The following BTBD16 variants were observed in gnomAD, a reference collection of about 807,000 sequenced individuals.
The protein encoded by BTBD16 is BTB/POZ domain-containing protein 16.
BTBD16 carries 66 observed loss-of-function variants against 67.4 expected under a neutral mutation model. The ratio of observed to expected loss-of-function variants is 0.98; its 90% CI spans 0.80 to 1.20. BTBD16 has a LOEUF of 1.20. Ranked by LOEUF, BTBD16 falls within the 50% of genes most tolerant of loss-of-function variation. The pLI is 0.00. For synonymous variants in BTBD16, 242 were observed against 236.4 expected (o/e 1.02, Z -0.22); for missense variants, 634 against 616.0 (o/e 1.03, Z -0.31).
intron 13 of BTBD16, 169 bp downstream of exon 13, chr10:122,332,682 A>G (rs1758101731): frequency 1.5e-6 from 1 of 647,504 alleles, no homozygotes; most frequent in African/African-American, 2.0e-5. Flanking sequence ...CCAGGAAATA[A>G]AATTCACAAG....
chr10:122,313,250 T>A (rs1422191463), intron 10 of BTBD16, among the ~76,000 whole-genome samples: 5 of 140,498 alleles, frequency 3.6e-5, no homozygotes, highest in African/African-American at 1.4e-4. Context: ...CTTTTATAGT[T>A]AGTGCTGTTT....
intron 11 of BTBD16, among the ~76,000 whole-genome samples, chr10:122,329,956 T>A (rs1427275712): frequency 6.6e-6 from 1 of 152,168 alleles, no homozygotes; most frequent in African/African-American, 2.4e-5. Flanking sequence ...CTTAACCTCA[T>A]GCTCTGGGCA....
intron 7 of BTBD16, 92 bp downstream of exon 7, chr10:122,291,286 T>C (rs569317794): frequency 7.0e-5 from 104 of 1,493,484 alleles, no homozygotes; most frequent in South Asian, 3.2e-4. Context: ...TTCCTCTTCA[T>C]TGGGCTAAGA....
chr10:122,291,077 C>T lies in BTBD16; in HGVS notation c.476-3C>T. The T allele has an allele frequency of 6.2e-7, 1 of 1,608,750 alleles. No individual in the cohort carries two copies. The highest frequency in any genetic ancestry group is 1.1e-5 in the South Asian group (1 of 89,896). On this transcript the variant is annotated splice_polypyrimidine_tract_variant and splice_region_variant and intron_variant, in intron 6 of 15. Transcript: ENST00000260723. ...GATGGCTCGCTTGGCTGTGCCTCCC[C>T]AGCCTTCGCCACGGCCCTGAAGAAC...
chr10:122,316,308 C>T (rs974981157), intron 10 of BTBD16, among the ~76,000 whole-genome samples: 12 of 152,056 alleles, frequency 7.9e-5, no homozygotes, highest in Non-Finnish European at 1.3e-4. Context: ...TCCACTTGTC[C>T]TCTTTGCTCC....
At chr10:122,288,285 G>C (rs1289532399) in intron 5 of BTBD16, among the ~76,000 whole-genome samples, 3 of 152,232 alleles carry the variant, frequency 2.0e-5, no homozygotes, top group East Asian at 1.9e-4. Context: ...GGGAGGCCGT[G>C]TAGTCATACT....
intron 14 of BTBD16, 76 bp downstream of exon 14, chr10:122,335,055 A>T: frequency 7.0e-6 from 5 of 712,770 alleles, no homozygotes; most frequent in Non-Finnish European, 1.2e-5. Flanking sequence ...TTGAATTAAT[A>T]ATAATTGATT....
intron 7 of BTBD16, among the ~76,000 whole-genome samples, chr10:122,294,894 T>C (rs2096380303): frequency 6.6e-6 from 1 of 152,248 alleles, no homozygotes; most frequent in Non-Finnish European, 1.5e-5. Flanking sequence ...CAAGCCCAGC[T>C]AGTGCTCCCT....
intron 9 of BTBD16, among the ~76,000 whole-genome samples, chr10:122,303,877 A>C (rs1457226019): frequency 1.3e-5 from 2 of 152,180 alleles, no homozygotes; most frequent in African/African-American, 4.8e-5. Context: ...CTGTTGCACA[A>C]ACGAATACTT....
intron 9 of BTBD16, among the ~76,000 whole-genome samples, chr10:122,301,521 G>A (rs2096393980): frequency 6.6e-6 from 1 of 151,936 alleles, no homozygotes. Flanking sequence ...ATGTGCCCAC[G>A]CTGACCACTC....
chr10:122,312,070 C>G (rs1246402451), intron 10 of BTBD16, among the ~76,000 whole-genome samples: 1 of 152,198 alleles, frequency 6.6e-6, no homozygotes, highest in African/African-American at 2.4e-5. Flanking sequence ...TTGCTATATA[C>G]AACCATGTAC....
At chr10:122,278,695 C>T (rs145972872) in intron 3 of BTBD16, among the ~76,000 whole-genome samples, 179 of 152,308 alleles carry the variant, frequency 1.2e-3, no homozygotes, top group Non-Finnish European at 2.2e-3. Flanking sequence ...GCAGAGGAGC[C>T]GGTCTTCTGG....
chr10:122,278,130 T>C (rs2096344839), intron 3 of BTBD16, among the ~76,000 whole-genome samples: 1 of 152,206 alleles, frequency 6.6e-6, no homozygotes, highest in African/African-American at 2.4e-5. Context: ...ATGCAGGTGC[T>C]GGAGCTAGGC....
At chr10:122,307,454 TTA>T in intron 10 of BTBD16, 146 bp downstream of exon 10, 1 of 782,092 alleles carries the variant, frequency 1.3e-6, no homozygotes, top group East Asian at 3.0e-5. Flanking sequence ...GGGCCTAAGA[TTA>T]TAGGATGCTT....
intron 10 of BTBD16, among the ~76,000 whole-genome samples, chr10:122,319,568 C>T (rs7081388): frequency 0.063 from 9,552 of 152,118 alleles, 366 homozygotes; most frequent in African/African-American, 0.1. Context: ...TATTCTGTTC[C>T]TTTAAACCAT....
chr10:122,292,504 CT>C lies in BTBD16; in HGVS notation c.590+1311del, dbSNP rs1284464927. Reference sequence around the variant, plus strand: ...GGCCCCAGAGCCTGGACCTCTAACACTGTACTATTCCACTTCGCTTGGGTGA... The same window carrying C: ...GGCCCCAGAGCCTGGACCTCTAACACGTACTATTCCACTTCGCTTGGGTGA... On this transcript the variant is annotated intron_variant, in intron 7 of 15. Coordinates refer to ENST00000260723, the MANE Select transcript of BTBD16 (RefSeq NM_144587.5). Among the ~76,000 whole-genome samples, 4 of 152,376 alleles carry C rather than the reference CT, an allele frequency of 2.6e-5. No homozygotes were observed. In the East Asian group the frequency reaches 7.7e-4, roughly 29 times the overall value.
intron 10 of BTBD16, among the ~76,000 whole-genome samples, chr10:122,314,859 T>C (rs2096421030): frequency 6.6e-6 from 1 of 152,188 alleles, no homozygotes; most frequent in Non-Finnish European, 1.5e-5. Flanking sequence ...TCTTCCCTTA[T>C]TGCACTAGGT....
intron 12 of BTBD16, among the ~76,000 whole-genome samples, chr10:122,331,686 G>A (rs949678785): frequency 7.2e-5 from 11 of 152,096 alleles, no homozygotes; most frequent in African/African-American, 2.4e-4. Context: ...TTTTCCATGC[G>A]GCATTTCCCC....
At chr10:122,308,049 C>T (rs2096406759) in intron 10 of BTBD16, among the ~76,000 whole-genome samples, 1 of 152,170 alleles carries the variant, frequency 6.6e-6, no homozygotes, top group African/African-American at 2.4e-5. Context: ...TTTTACCCGC[C>T]CTCCCCCACT....
Sources: allele counts gnomAD v4.1 joint callset (sites outside exome capture counted in the v4.1 genomes callset), GRCh38; gene constraint gnomAD v4.1.1; transcripts MANE v1.5; gene names NCBI Gene and HGNC (gene_info 2026-07-23, HGNC 2026-07-21).